Variants in PHACTR3 observed in about 807,000 individuals in gnomAD.
PHACTR3 encodes phosphatase and actin regulator 3, also known as protein phosphatase 1, regulatory subunit 123.
In PHACTR3, 16 loss-of-function variants were observed where a neutral mutation model predicts 66.8. The ratio of observed to expected loss-of-function variants is 0.24; its 90% CI spans 0.16 to 0.36. The LOEUF (loss-of-function observed/expected upper bound fraction) is 0.36, where lower values mean the gene tolerates loss of function less well. PHACTR3 is among the 10% of genes least tolerant of loss of function. PHACTR3 has a pLI of 1.00. For synonymous variants in PHACTR3, 323 were observed against 292.1 expected (o/e 1.11, Z -1.08); for missense variants, 647 against 719.9 (o/e 0.90, Z 1.16).
intron 9 of PHACTR3, among the ~76,000 whole-genome samples, chr20:59,839,573 C>T (rs778028407): frequency 1.3e-5 from 2 of 152,064 alleles, no homozygotes; most frequent in Non-Finnish European, 2.9e-5. Context: ...CAGAGAACAC[C>T]AGAAATAGGA....
At chr20:59,651,886 C>T (rs546909209) in intron 1 of PHACTR3, among the ~76,000 whole-genome samples, 4 of 151,110 alleles carry the variant, frequency 2.6e-5, no homozygotes, top group Admixed American at 6.6e-5. Flanking sequence ...GGTAGATAGA[C>T]GGATAGATAT....
At chr20:59,707,484 G>A (rs1483112686) in intron 1 of PHACTR3, among the ~76,000 whole-genome samples, 4 of 135,216 alleles carry the variant, frequency 3.0e-5, no homozygotes, top group Non-Finnish European at 4.7e-5. Flanking sequence ...TTTTTGAGGC[G>A]GAGTCTCTCT....
chr20:59,794,680 G>A (rs955991750), intron 7 of PHACTR3, among the ~76,000 whole-genome samples: 6 of 152,154 alleles, frequency 3.9e-5, no homozygotes, highest in Non-Finnish European at 8.8e-5. Context: ...ACTTTCCTTT[G>A]ATGGGAGATT....
intron 7 of PHACTR3, among the ~76,000 whole-genome samples, chr20:59,793,198 A>G (rs1216246097): frequency 1.3e-5 from 2 of 152,144 alleles, no homozygotes; most frequent in Non-Finnish European, 2.9e-5. Flanking sequence ...CTATAGTAGT[A>G]TATCTTGAAG....
At chr20:59,686,860 ATGG>A (rs1348133168) in intron 1 of PHACTR3, among the ~76,000 whole-genome samples, 10 of 134,686 alleles carry the variant, frequency 7.4e-5, no homozygotes, top group Non-Finnish European at 1.1e-4. Flanking sequence ...GGTGATGATG[ATGG>A]TGGTGATTGT....
At chr20:59,817,775 C>T (rs1285774888) in intron 8 of PHACTR3, among the ~76,000 whole-genome samples, 1 of 152,154 alleles carries the variant, frequency 6.6e-6, no homozygotes, top group Middle Eastern at 3.4e-3. Flanking sequence ...GGTGAAATAG[C>T]CTTCATGTAA....
chr20:59,638,986 G>A (rs2035001781), intron 1 of PHACTR3, among the ~76,000 whole-genome samples: 1 of 140,048 alleles, frequency 7.1e-6, no homozygotes, highest in South Asian at 2.6e-4. Flanking sequence ...TGACGGCTAG[G>A]TAGACATACC....
intron 1 of PHACTR3, among the ~76,000 whole-genome samples, chr20:59,640,450 G>A (rs1056423243): frequency 5.3e-5 from 8 of 152,174 alleles, no homozygotes; most frequent in African/African-American, 1.9e-4. Flanking sequence ...TCTTCAACCA[G>A]TCTTGGTGAG....
chr20:59,588,661 G>C (rs1193352857), intron 1 of PHACTR3, among the ~76,000 whole-genome samples: 1 of 151,930 alleles, frequency 6.6e-6, no homozygotes. Flanking sequence ...ACCCCTGGCT[G>C]CTTCTCAGCC....
At chr20:59,761,038 T>TA (rs1172889229) in intron 4 of PHACTR3, among the ~76,000 whole-genome samples, 1 of 152,080 alleles carries the variant, frequency 6.6e-6, no homozygotes, top group East Asian at 1.9e-4. Flanking sequence ...GTCTACAGCC[T>TA]AAACTCTAGA....
chr20:59,839,928 GAAAA>G (rs1296548012), intron 9 of PHACTR3, among the ~76,000 whole-genome samples: 1 of 152,088 alleles, frequency 6.6e-6, no homozygotes, highest in Non-Finnish European at 1.5e-5. Flanking sequence ...GCTTATTAAG[GAAAA>G]AAATTAGTGG....
At chr20:59,595,508 T>C (rs2033302474) in intron 1 of PHACTR3, among the ~76,000 whole-genome samples, 1 of 152,222 alleles carries the variant, frequency 6.6e-6, no homozygotes, top group Non-Finnish European at 1.5e-5. Context: ...CAGAATGTGG[T>C]CTATCCTGGT....
chr20:59,738,140 A>G lies in PHACTR3; in HGVS notation c.119-4967A>G, dbSNP rs948527028. On this transcript the variant is annotated intron_variant, in intron 1 of 12. Coordinates refer to ENST00000371015, the MANE Select transcript of PHACTR3 (RefSeq NM_080672.5). This position sits in a 1 kb window ranked among gnomAD's most constrained non-coding sequence, Gnocchi z 4.4. Reference sequence around the variant, plus strand: ...GTCACATAGCCACAGCAAGAAGGAGACACCATACCCCCCAGCAAGGCCCTG... The same window carrying G: ...GTCACATAGCCACAGCAAGAAGGAGGCACCATACCCCCCAGCAAGGCCCTG... 2.6e-5 allele frequency among the ~76,000 whole-genome samples: 4 copies of G among 152,106 alleles called. No individual in the cohort carries two copies. The highest frequency in any genetic ancestry group is 2.0e-4 in the Admixed American group (3 of 15,294).
intron 1 of PHACTR3, among the ~76,000 whole-genome samples, chr20:59,684,724 C>G (rs2036792640): frequency 6.6e-6 from 1 of 152,186 alleles, no homozygotes; most frequent in Non-Finnish European, 1.5e-5. Context: ...GCTGGGAGCC[C>G]CTAGAGAGGA....
intron 1 of PHACTR3, among the ~76,000 whole-genome samples, chr20:59,710,762 A>G (rs1054520757): frequency 1.4e-5 from 1 of 70,296 alleles, no homozygotes; most frequent in Admixed American, 1.4e-4. Flanking sequence ...CTCTCTTACC[A>G]TGGCTTTCCC....
chr20:59,597,066 C>T (rs1316466843), intron 1 of PHACTR3, among the ~76,000 whole-genome samples: 1 of 152,154 alleles, frequency 6.6e-6, no homozygotes, highest in Admixed American at 6.5e-5. Flanking sequence ...CTTTGTAAGC[C>T]GGGGTTGCTG....
chr20:59,778,650 T>C, intron 7 of PHACTR3, among the ~76,000 whole-genome samples: 1 of 152,192 alleles, frequency 6.6e-6, no homozygotes. Flanking sequence ...CTGTAGTTCT[T>C]ACTGTGCGCA....
intron 7 of PHACTR3, among the ~76,000 whole-genome samples, chr20:59,799,502 G>C (rs940790581): frequency 2.0e-5 from 3 of 152,014 alleles, no homozygotes; most frequent in African/African-American, 7.2e-5. Flanking sequence ...CCTGATGAAG[G>C]TATCTCTTTA....
intron 1 of PHACTR3, among the ~76,000 whole-genome samples, chr20:59,701,573 A>G (rs906947580): frequency 6.6e-6 from 1 of 152,242 alleles, no homozygotes; most frequent in African/African-American, 2.4e-5. Flanking sequence ...TTTAAAAAAT[A>G]GATTTTATTT....
Sources: gnomAD v4.1 joint callset for allele counts (sites outside exome capture counted in the v4.1 genomes callset) on GRCh38, gnomAD v4.1.1 for gene constraint, Gnocchi (gnomAD v3.1) non-coding constraint, MANE v1.5 for transcripts, NCBI Gene and HGNC (gene_info 2026-07-23, HGNC 2026-07-21) for gene names.